Variants in NCAM1 observed in about 807,000 individuals in gnomAD.
The protein encoded by NCAM1 is neural cell adhesion molecule 1, also known as antigen recognized by monoclonal antibody 5.1H11.
A neutral mutation model predicts 109.8 loss-of-function variants in NCAM1; 14 were observed. The observed-to-expected ratio is 0.13, with a 90% CI of 0.08 to 0.20. The LOEUF (loss-of-function observed/expected upper bound fraction) is 0.20, where lower values mean the gene tolerates loss of function less well. Ranked by LOEUF, NCAM1 falls within the 10% of genes least tolerant of loss-of-function variation. NCAM1 has a pLI of 1.00. For missense variants in NCAM1, 774 were observed against 1,109.9 expected (o/e 0.70, Z 4.30); for synonymous variants, 418 against 442.9 (o/e 0.94, Z 0.70).
At chr11:113,034,423 C>T (rs1296650047) in intron 1 of NCAM1, among the ~76,000 whole-genome samples, 1 of 152,148 alleles carries the variant, frequency 6.6e-6, no homozygotes, top group Non-Finnish European at 1.5e-5. Flanking sequence ...ATGACTCTTT[C>T]CCTTTATTAA....
intron 1 of NCAM1, among the ~76,000 whole-genome samples, chr11:112,997,420 T>G (rs192033818): frequency 6.6e-6 from 1 of 152,332 alleles, no homozygotes; most frequent in East Asian, 1.9e-4. Flanking sequence ...AAAGAGAGGT[T>G]AATGAGACCA....
At chr11:113,259,619 G>C (rs1945927664) in intron 16 of NCAM1, among the ~76,000 whole-genome samples, 1 of 150,966 alleles carries the variant, frequency 6.6e-6, no homozygotes, top group Non-Finnish European at 1.5e-5. Context: ...TGTTGCTTGT[G>C]TTTGCCAGCA....
intron 1 of NCAM1, among the ~76,000 whole-genome samples, chr11:113,057,405 A>C (rs1260002109): frequency 6.6e-6 from 1 of 152,092 alleles, no homozygotes; most frequent in Admixed American, 6.6e-5. Flanking sequence ...TACACTGTTA[A>C]GGAACTTGGG....
At chr11:113,098,771 G>C (rs868975434) in intron 1 of NCAM1, among the ~76,000 whole-genome samples, 2 of 152,168 alleles carry the variant, frequency 1.3e-5, no homozygotes, top group African/African-American at 4.8e-5. Flanking sequence ...AGCACAGTGC[G>C]TTCCAGTTTG....
intron 1 of NCAM1, among the ~76,000 whole-genome samples, chr11:113,116,515 A>G (rs1940716553): frequency 6.6e-6 from 1 of 152,266 alleles, no homozygotes; most frequent in South Asian, 2.1e-4. Context: ...AGTGACTCCA[A>G]AATAAAATGC....
intron 8 of NCAM1, among the ~76,000 whole-genome samples, chr11:113,220,751 C>T (rs1036880972): frequency 4.0e-5 from 6 of 151,754 alleles, no homozygotes; most frequent in Non-Finnish European, 7.4e-5. Flanking sequence ...GGACTACAGG[C>T]GCCTGCCACC....
intron 1 of NCAM1, among the ~76,000 whole-genome samples, chr11:113,023,661 T>C (rs1555076651): frequency 6.6e-6 from 1 of 152,232 alleles, no homozygotes; most frequent in Non-Finnish European, 1.5e-5. Flanking sequence ...TGTTTGTGTT[T>C]GTGTATCTAA....
chr11:113,107,879 G>T (rs1245116), intron 1 of NCAM1, among the ~76,000 whole-genome samples: 15 of 152,176 alleles, frequency 9.9e-5, no homozygotes, highest in Admixed American at 3.9e-4. Context: ...CCCAGCAGAA[G>T]TCCACAAGCA....
chr11:113,043,315 T>G (rs373034840), intron 1 of NCAM1, among the ~76,000 whole-genome samples: 1 of 152,156 alleles, frequency 6.6e-6, no homozygotes, highest in East Asian at 1.9e-4. Flanking sequence ...GTGTCCCTAT[T>G]GAAATCCTAC....
At chr11:113,041,860 C>T (rs903578173) in intron 1 of NCAM1, among the ~76,000 whole-genome samples, 23 of 152,178 alleles carry the variant, frequency 1.5e-4, no homozygotes, top group Non-Finnish European at 2.4e-4. Context: ...TTACCTGTCC[C>T]TCTGTCCCTC....
chr11:113,138,154 A>C (rs1424874876), intron 1 of NCAM1, among the ~76,000 whole-genome samples: 2 of 152,200 alleles, frequency 1.3e-5, no homozygotes, highest in African/African-American at 2.4e-5. Context: ...AAATGTGCTT[A>C]CAGAAAGAAT....
chr11:113,119,227 G>A (rs902737941), intron 1 of NCAM1, among the ~76,000 whole-genome samples: 1 of 152,156 alleles, frequency 6.6e-6, no homozygotes, highest in Non-Finnish European at 1.5e-5. Context: ...AATGCTATTA[G>A]TTGAGTCATC....
chr11:112,998,602 T>C (rs1951661010), intron 1 of NCAM1, among the ~76,000 whole-genome samples: 4 of 152,118 alleles, frequency 2.6e-5, no homozygotes, highest in African/African-American at 9.7e-5. Context: ...ATCCTGCTTG[T>C]GTTCACTGCC....
chr11:113,009,301 G>C (rs1401414997), intron 1 of NCAM1, among the ~76,000 whole-genome samples: 3 of 116,936 alleles, frequency 2.6e-5, no homozygotes, highest in Non-Finnish European at 5.4e-5. Context: ...TAATTGGAAG[G>C]GTTTTTTCGG....
intron 1 of NCAM1, among the ~76,000 whole-genome samples, chr11:113,073,560 G>A (rs1938393284): frequency 6.6e-6 from 1 of 152,068 alleles, no homozygotes; most frequent in South Asian, 2.1e-4. Flanking sequence ...ACTGGATGAT[G>A]TTTCTCAATT....
chr11:113,106,300 TAACTC>T (rs782765035), intron 1 of NCAM1, among the ~76,000 whole-genome samples: 2 of 152,220 alleles, frequency 1.3e-5, no homozygotes, highest in African/African-American at 4.8e-5. Context: ...ACAAACATCT[TAACTC>T]AGTAAACTTC....
At chr11:113,127,995 A>T (rs1205341408) in intron 1 of NCAM1, among the ~76,000 whole-genome samples, 2 of 151,660 alleles carry the variant, frequency 1.3e-5, no homozygotes, top group African/African-American at 4.9e-5. Context: ...TTGACCAAAT[A>T]CTCCCTGTGG....
chr11:113,119,891 A>C (rs1940885429), intron 1 of NCAM1, among the ~76,000 whole-genome samples: 1 of 152,176 alleles, frequency 6.6e-6, no homozygotes, highest in Non-Finnish European at 1.5e-5. Context: ...GGTTACATTT[A>C]CCAGGGCTAG....
intron 1 of NCAM1, among the ~76,000 whole-genome samples, chr11:113,104,202 TGGGGTGGGGGGGGGGGC>T (rs1940027827): frequency 3.9e-4 from 1 of 2,542 alleles, no homozygotes. Context: ...GAAGAGGAGG[TGGGGTGGGGGGGGGGGC>T]GGGGTGGTGG....
Sources: gnomAD v4.1 joint callset for allele counts (sites outside exome capture counted in the v4.1 genomes callset) on GRCh38, gnomAD v4.1.1 for gene constraint, MANE v1.5 for transcripts, NCBI Gene and HGNC (gene_info 2026-07-23, HGNC 2026-07-21) for gene names.